The following CHD9 variants were observed in gnomAD, a reference collection of about 807,000 sequenced individuals.
CHD9 encodes the protein ATP-dependent chromatin remodeler CHD9.
Under a neutral mutation model 316.1 loss-of-function variants are expected in CHD9, and 77 were observed. The ratio of observed to expected loss-of-function variants is 0.24; its 90% CI spans 0.20 to 0.29. CHD9 has a LOEUF of 0.29. CHD9 is among the 10% of genes least tolerant of loss of function. The pLI, the probability that CHD9 is intolerant of heterozygous loss-of-function variation, is 1.00. For synonymous variants in CHD9, 1,129 were observed against 1,158.3 expected (o/e 0.97, Z 0.51); for missense variants, 2,763 against 3,438.1 (o/e 0.80, Z 4.91).
chr16:53,157,912 T>A (rs2041634235), intron 2 of CHD9, among the ~76,000 whole-genome samples: 2 of 152,174 alleles, frequency 1.3e-5, no homozygotes, highest in South Asian at 4.1e-4. Context: ...TGAGTTAATA[T>A]TCCTATAAAA....
intron 2 of CHD9, among the ~76,000 whole-genome samples, chr16:53,196,144 C>A (rs1224505874): frequency 6.6e-6 from 1 of 152,146 alleles, no homozygotes; most frequent in African/African-American, 2.4e-5. Flanking sequence ...TGAGTTGATA[C>A]AATCCATCAA....
At chr16:53,055,902 C>G (rs964064708) in intron 1 of CHD9, among the ~76,000 whole-genome samples, 3 of 152,180 alleles carry the variant, frequency 2.0e-5, no homozygotes, top group African/African-American at 7.2e-5. Flanking sequence ...AAGGGGGTTC[C>G]TCCCCACCCT....
At chr16:53,207,721 ATT>A (rs2045993559) in intron 2 of CHD9, among the ~76,000 whole-genome samples, 1 of 151,700 alleles carries the variant, frequency 6.6e-6, no homozygotes, top group African/African-American at 2.4e-5. Flanking sequence ...ATTGCTTTAG[ATT>A]TTGTTTTTTT....
chr16:53,157,601 G>A lies in CHD9; in HGVS notation c.1452+60G>A, dbSNP rs923062972. 4.8e-6 allele frequency: 7 copies of A among 1,465,946 alleles called. No individual in the cohort carries two copies. The South Asian group carries it at 6.7e-5, about 14-fold the overall frequency. The allele number at this position is 1,465,946 out of a possible 1,614,324, so 90.8% of individuals were successfully genotyped here. ...GGGGTAGGGCGGACTGTTAGTCATT[G>A]GGTTAATTTTATATGAAACATAGTC... On this transcript the variant is annotated intron_variant, in intron 2 of 38. Coordinates refer to ENST00000447540, the MANE Select transcript of CHD9 (RefSeq NM_001308319.2).
At chr16:53,288,090 A>G in intron 27 of CHD9, 76 bp downstream of exon 27, 2 of 1,126,900 alleles carry the variant, frequency 1.8e-6, no homozygotes, top group Non-Finnish European at 2.7e-6. Flanking sequence ...TTTCTTTTGC[A>G]TTATATTTTG....
In CHD9 at chr16:53,314,885, T is replaced by C; in HGVS notation, c.7425T>C (p.Thr2475=). 6.2e-7 allele frequency: 1 copy of C among 1,613,848 alleles called. No homozygotes were observed. The change falls in exon 36 of 39, where the codon ACT becomes ACC. Residue 2475 remains threonine (T), a synonymous_variant. Coordinates refer to ENST00000447540, the MANE Select transcript of CHD9 (RefSeq NM_001308319.2). ...GGATAAATCCAGCACTATCCTATAC[T>C]CAACCTCAAGGAATTCCTGATACAG... is the stretch of plus-strand genomic sequence containing the variant. ...STGINPALSY[T]QPQGIPDTES...
intron 10 of CHD9, among the ~76,000 whole-genome samples, chr16:53,232,795 C>A (rs2048291431): frequency 7.3e-6 from 1 of 137,118 alleles, no homozygotes; most frequent in Non-Finnish European, 1.6e-5. Flanking sequence ...AAAATGTTTT[C>A]TTTAGCAAAC....
In CHD9 at chr16:53,321,583, T is replaced by C; in HGVS notation, c.7771T>C (p.Ser2591Pro). The change falls in exon 38 of 39, where the codon TCA becomes CCA. Residue 2591 changes from serine to proline, a missense_variant. Ser to Pro is a moderately conservative substitution (Grantham distance 74). Coordinates refer to ENST00000447540, the MANE Select transcript of CHD9 (RefSeq NM_001308319.2). ...TTTATGTAGATTCCTAAAAGAAAAT[T>C]CAGAATATGGAGTAGCTCCTGAATG... The part of the protein sequence containing the change: ...KDLCRFLKEN[S>P]EYGVAPEWGD... 6.4e-7 allele frequency: 1 copy of C among 1,554,130 alleles called. No homozygotes were observed. Among genetic ancestry groups the C allele is most frequent in the Non-Finnish European group, 8.7e-7 (1 of 1,144,848 alleles).
At chr16:53,250,745 G>A (rs1229253635) in intron 17 of CHD9, 1 of 151,698 alleles carries the variant, frequency 6.6e-6, no homozygotes, top group Non-Finnish European at 1.5e-5. Flanking sequence ...AAGGATATGA[G>A]AAGAGAACAA....
chr16:53,098,854 C>A (rs919855627), intron 1 of CHD9, among the ~76,000 whole-genome samples: 3 of 152,166 alleles, frequency 2.0e-5, no homozygotes, highest in African/African-American at 7.2e-5. Context: ...TAGATAAATG[C>A]AGAAATCAAG....
intron 1 of CHD9, among the ~76,000 whole-genome samples, chr16:53,124,492 T>G (rs546114304): frequency 1.4e-5 from 2 of 144,068 alleles, no homozygotes; most frequent in Non-Finnish European, 1.5e-5. Flanking sequence ...TTTTTTTTTT[T>G]TTGGAGAAGG....
chr16:53,114,633 G>T (rs1207204477), intron 1 of CHD9, among the ~76,000 whole-genome samples: 1 of 151,672 alleles, frequency 6.6e-6, no homozygotes, highest in East Asian at 1.9e-4. Context: ...TGTCACCCAG[G>T]CTGGAGTGCA....
intron 1 of CHD9, among the ~76,000 whole-genome samples, chr16:53,148,666 C>A (rs532349430): frequency 2.0e-5 from 3 of 152,266 alleles, no homozygotes; most frequent in East Asian, 3.9e-4. Flanking sequence ...GAATGAAGTT[C>A]TTTGCCCATT....
rs1181631991 is a variant in CHD9, at chr16:53,267,949, C to G, written c.4540C>G (p.Leu1514Val). Residue 1514 changes from leucine to valine, a missense_variant, in exon 22 of 39, where the codon CTA (leucine) becomes GTA (valine). Leu to Val is a conservative substitution (Grantham distance 32, BLOSUM62 1). Coordinates refer to ENST00000447540, the MANE Select transcript of CHD9 (RefSeq NM_001308319.2). ...VYGWGRWREILSHGRFKRQLN... is the reference protein window; with the variant it reads ...VYGWGRWREIVSHGRFKRQLN... ...CAGGTGGGGCCGATGGAGAGAGATT[C>G]TATCTCATGGCCGTTTCAAAAGGCA... 1.2e-6 allele frequency: 2 copies of G among 1,613,340 alleles called. No individual in the cohort carries two copies. Among genetic ancestry groups the G allele is most frequent in the African/African-American group, 1.3e-5 (1 of 74,868 alleles).
At chr16:53,128,747 C>T (rs1567350022) in intron 1 of CHD9, among the ~76,000 whole-genome samples, 2 of 152,282 alleles carry the variant, frequency 1.3e-5, no homozygotes, top group East Asian at 3.9e-4. Flanking sequence ...ACTGAGAATA[C>T]CTCCAAAATT....
chr16:53,291,170 G>C (rs1486043373), intron 27 of CHD9, among the ~76,000 whole-genome samples: 4 of 152,098 alleles, frequency 2.6e-5, no homozygotes, highest in African/African-American at 9.7e-5. Flanking sequence ...TCTAACTTCA[G>C]GCTTTTTTAA....
At chr16:53,308,883 T>C in intron 34 of CHD9, 29 bp downstream of exon 34, 2 of 1,555,548 alleles carry the variant, frequency 1.3e-6, no homozygotes, top group Non-Finnish European at 1.8e-6. Context: ...ATTGTCTTAC[T>C]ATGAAATATT....
chr16:53,310,691 CA>C (rs869090799), intron 34 of CHD9: 243 of 129,576 alleles, frequency 1.9e-3, no homozygotes, highest in Middle Eastern at 3.8e-3. Context: ...GTACTAAATA[CA>C]AAAAAAAAAA....
At chr16:53,257,407 G>C (rs2050698680) in intron 19 of CHD9, among the ~76,000 whole-genome samples, 1 of 152,180 alleles carries the variant, frequency 6.6e-6, no homozygotes, top group South Asian at 2.1e-4. Context: ...TCTAGCAGCA[G>C]CATGGAGAAC....
Sources: allele counts gnomAD v4.1 joint callset (sites outside exome capture counted in the v4.1 genomes callset), GRCh38; gene constraint gnomAD v4.1.1; transcripts MANE v1.5; gene names NCBI Gene and HGNC (gene_info 2026-07-23, HGNC 2026-07-21).